The following DAB1 variants were observed in gnomAD, a reference collection of about 807,000 sequenced individuals.
DAB1 encodes the protein DAB adaptor protein 1, also known as disabled homolog 1.
In DAB1, 15 loss-of-function variants were observed where a neutral mutation model predicts 64.6. That is an observed-to-expected ratio of 0.23 (90% CI 0.16 to 0.36). DAB1 has a LOEUF of 0.36. Among genes scored for constraint, DAB1 ranks in the 10% least tolerant of loss-of-function variants. The probability of loss-of-function intolerance (pLI) is 1.00; values close to 1 mark genes in which losing one functional copy is unlikely to be tolerated. For synonymous variants in DAB1, 235 were observed against 251.9 expected (o/e 0.93, Z 0.64); for missense variants, 596 against 706.7 (o/e 0.84, Z 1.78).
chr1:57,015,474 C>G, intron 11 of DAB1, 43 bp from the exon 12 acceptor site: 1 of 1,542,472 alleles, frequency 6.5e-7, no homozygotes, highest in Non-Finnish European at 8.8e-7. Context: ...CCCTGGTGTC[C>G]TGGGAAAGAA....
At chr1:57,074,062 G>T (rs897590003) in intron 4 of DAB1, among the ~76,000 whole-genome samples, 1 of 152,176 alleles carries the variant, frequency 6.6e-6, no homozygotes, top group South Asian at 2.1e-4. Flanking sequence ...TAGAGATGGG[G>T]TTTCACCATG....
chr1:57,151,923 C>T (rs757944904), intron 2 of DAB1, among the ~76,000 whole-genome samples: 3 of 150,224 alleles, frequency 2.0e-5, no homozygotes, highest in Non-Finnish European at 4.4e-5. Flanking sequence ...AAGCGATTCT[C>T]CCGCCTCAGC....
intron 5 of DAB1, among the ~76,000 whole-genome samples, chr1:58,149,914 A>G (rs937153991): frequency 2.1e-4 from 32 of 152,340 alleles, no homozygotes; most frequent in African/African-American, 7.5e-4. Flanking sequence ...AAGCTAAGTC[A>G]GTTGCTTACT....
intron 9 of DAB1, chr1:57,033,284 C>G: frequency 8.1e-7 from 1 of 1,227,798 alleles, no homozygotes; most frequent in Non-Finnish European, 1.2e-6. Context: ...TAGAGCAGAG[C>G]AGGGCAGGAA....
At chr1:58,011,100 C>G (rs922682893) in intron 5 of DAB1, among the ~76,000 whole-genome samples, 5 of 152,192 alleles carry the variant, frequency 3.3e-5, no homozygotes, top group African/African-American at 1.2e-4. Flanking sequence ...TTATATTTAG[C>G]ATGACAACCA....
chr1:58,313,448 C>A (rs1340487225), intron 4 of DAB1, among the ~76,000 whole-genome samples: 1 of 152,106 alleles, frequency 6.6e-6, no homozygotes, highest in Non-Finnish European at 1.5e-5. Flanking sequence ...GGCAGAGAAC[C>A]AATCCTGTAA....
intron 5 of DAB1, among the ~76,000 whole-genome samples, chr1:57,956,584 A>G (rs1022095348): frequency 6.6e-6 from 1 of 152,218 alleles, no homozygotes; most frequent in African/African-American, 2.4e-5. Flanking sequence ...TTAAATAAAG[A>G]CATCCAGCAC....
At chr1:58,383,790 A>C (rs12035478) in intron 3 of DAB1, among the ~76,000 whole-genome samples, 14,469 of 152,228 alleles carry the variant, frequency 0.095, 829 homozygotes, top group East Asian at 0.21. Context: ...GCCGATGAGC[A>C]CACGGGTTGT....
At chr1:58,370,370 TGTGC>T (rs1226918607) in intron 3 of DAB1, among the ~76,000 whole-genome samples, 15 of 110,836 alleles carry the variant, frequency 1.4e-4, no homozygotes, top group African/African-American at 2.2e-4. Context: ...CTTATGAGTG[TGTGC>T]GTGTGTGTGT....
At chr1:57,591,946 T>A (rs962005319) in intron 7 of DAB1, among the ~76,000 whole-genome samples, 2 of 152,168 alleles carry the variant, frequency 1.3e-5, no homozygotes, top group African/African-American at 4.8e-5. Context: ...TGCGCAAGGA[T>A]CCTTAGCTAC....
intron 8 of DAB1, among the ~76,000 whole-genome samples, chr1:57,064,203 A>C (rs1650686401): frequency 6.6e-6 from 1 of 152,192 alleles, no homozygotes; most frequent in African/African-American, 2.4e-5. Flanking sequence ...TTTTCATCTC[A>C]TTTAACTTAA....
intron 6 of DAB1, among the ~76,000 whole-genome samples, chr1:57,731,749 A>G (rs544335669): frequency 3.3e-5 from 5 of 151,912 alleles, no homozygotes; most frequent in Non-Finnish European, 5.9e-5. Context: ...AGGTTGCAGT[A>G]AGCCGAGATC....
intron 5 of DAB1, among the ~76,000 whole-genome samples, chr1:58,036,796 A>C (rs1647051509): frequency 6.6e-6 from 1 of 152,286 alleles, no homozygotes; most frequent in African/African-American, 2.4e-5. Flanking sequence ...GGGAGGTTAC[A>C]GTTTTATTCA....
intron 7 of DAB1, among the ~76,000 whole-genome samples, chr1:57,519,590 G>C (rs1283633119): frequency 3.3e-5 from 5 of 152,138 alleles, no homozygotes; most frequent in Non-Finnish European, 5.9e-5. Context: ...GCAGTGGGTG[G>C]GGTACAGGGT....
chr1:57,803,521 T>C (rs1258083766), intron 6 of DAB1, among the ~76,000 whole-genome samples: 1 of 152,194 alleles, frequency 6.6e-6, no homozygotes, highest in Non-Finnish European at 1.5e-5. Context: ...ACATTGCATA[T>C]GTGGAGGGAC....
intron 6 of DAB1, among the ~76,000 whole-genome samples, chr1:57,740,382 T>C (rs1477348051): frequency 6.6e-6 from 1 of 152,212 alleles, no homozygotes; most frequent in Non-Finnish European, 1.5e-5. Context: ...TTACTATCCA[T>C]GTGTTCTTGG....
At chr1:57,676,578 G>T (rs1473679893) in intron 6 of DAB1, among the ~76,000 whole-genome samples, 2 of 152,188 alleles carry the variant, frequency 1.3e-5, no homozygotes, top group African/African-American at 2.4e-5. Flanking sequence ...GCTGGGAAAA[G>T]AAGAGGGCAG....
intron 6 of DAB1, among the ~76,000 whole-genome samples, chr1:57,688,245 T>C (rs1180615913): frequency 6.6e-6 from 1 of 151,934 alleles, no homozygotes; most frequent in Non-Finnish European, 1.5e-5. Flanking sequence ...TCCAAAAAAA[T>C]GGGCAAAGGA....
chr1:57,358,142 C>T (rs1043929368), intron 1 of DAB1, among the ~76,000 whole-genome samples: 9 of 152,028 alleles, frequency 5.9e-5, no homozygotes, highest in Non-Finnish European at 7.4e-5. Context: ...CCTTTTCTTT[C>T]TTTCTCTTCA....
Sources: allele counts gnomAD v4.1 joint callset (sites outside exome capture counted in the v4.1 genomes callset), GRCh38; gene constraint gnomAD v4.1.1; transcripts MANE v1.5; gene names NCBI Gene and HGNC (gene_info 2026-07-23, HGNC 2026-07-21).